Variants in RPS6KC1 observed in about 807,000 individuals in gnomAD.
The protein encoded by RPS6KC1 is ribosomal protein S6 kinase C1.
A neutral mutation model predicts 103.8 loss-of-function variants in RPS6KC1; 54 were observed. That is an observed-to-expected ratio of 0.52 (90% CI 0.42 to 0.65). RPS6KC1 has a LOEUF of 0.65. RPS6KC1 is among the 30% of genes least tolerant of loss of function. RPS6KC1 has a pLI of 0.00. For synonymous variants in RPS6KC1, 439 were observed against 438.7 expected, an observed-to-expected ratio of 1.00 and a Z score of -0.01; for missense variants, 1,151 against 1,253.8, an observed-to-expected ratio of 0.92 and a Z score of 1.24.
the RPS6KC1 span, among the ~76,000 whole-genome samples, chr1:213,422,162 C>T: frequency 6.6e-6 from 1 of 152,304 alleles, no homozygotes; most frequent in Admixed American, 6.5e-5. Flanking sequence ...ACCCGTTAAA[C>T]ACCAGCTCCC....
chr1:213,132,508 C>T (rs1374627244), intron 6 of RPS6KC1, among the ~76,000 whole-genome samples: 13 of 152,172 alleles, frequency 8.5e-5, no homozygotes, highest in Non-Finnish European at 1.9e-4. Context: ...TCCATGGATT[C>T]TGTACTAGCA....
At chr1:213,472,003 C>T in the RPS6KC1 span, among the ~76,000 whole-genome samples, 1 of 152,142 alleles carries the variant, frequency 6.6e-6, no homozygotes, top group South Asian at 2.1e-4. Context: ...GGTGTCATTT[C>T]CCCAGGGTCA....
chr1:213,735,124 AG>A, the RPS6KC1 span, among the ~76,000 whole-genome samples: 1 of 152,102 alleles, frequency 6.6e-6, no homozygotes, highest in African/African-American at 2.4e-5. Flanking sequence ...GGGGTTTCAC[AG>A]TGTTAGCCAG....
intron 8 of RPS6KC1, among the ~76,000 whole-genome samples, chr1:213,196,570 G>T (rs544490020): frequency 3.9e-5 from 6 of 152,128 alleles, no homozygotes; most frequent in Admixed American, 2.6e-4. Context: ...CTAATGTCTA[G>T]AAGAGTTTTT....
chr1:213,745,665 A>G, the RPS6KC1 span, among the ~76,000 whole-genome samples: 2 of 152,144 alleles, frequency 1.3e-5, no homozygotes, highest in African/African-American at 2.4e-5. Context: ...CATGGATGGA[A>G]GAGGAAGGAC....
chr1:213,841,600 C>G, the RPS6KC1 span, among the ~76,000 whole-genome samples: 1 of 152,268 alleles, frequency 6.6e-6, no homozygotes, highest in African/African-American at 2.4e-5. Context: ...CACTTCCTCC[C>G]CCAATCCCCA....
At chr1:213,832,562 T>C in the RPS6KC1 span, 50,800 of 152,098 alleles carry the variant, frequency 0.33, 12,173 homozygotes, top group African/African-American at 0.67. Flanking sequence ...ATCAAGTTCT[T>C]GTCCTGTATA....
At chr1:213,844,517 T>A in the RPS6KC1 span, among the ~76,000 whole-genome samples, 1 of 152,206 alleles carries the variant, frequency 6.6e-6, no homozygotes, top group Non-Finnish European at 1.5e-5. Context: ...CATTAAAAAA[T>A]TAGAATATGC....
chr1:213,537,791 A>T, the RPS6KC1 span, among the ~76,000 whole-genome samples: 1 of 152,154 alleles, frequency 6.6e-6, no homozygotes, highest in East Asian at 1.9e-4. Flanking sequence ...CATAACTTTC[A>T]TGCTTAAAAA....
At chr1:213,126,946 T>G (rs2085057708) in intron 5 of RPS6KC1, among the ~76,000 whole-genome samples, 1 of 152,198 alleles carries the variant, frequency 6.6e-6, no homozygotes, top group South Asian at 2.1e-4. Flanking sequence ...TCTAATCCAC[T>G]TTTAATTTTG....
chr1:213,141,147 T>G (rs1310343195), intron 6 of RPS6KC1, among the ~76,000 whole-genome samples: 3 of 152,104 alleles, frequency 2.0e-5, no homozygotes, highest in Non-Finnish European at 4.4e-5. Flanking sequence ...TCTGTCCGCC[T>G]TAGCCTCCCA....
the RPS6KC1 span, among the ~76,000 whole-genome samples, chr1:213,611,470 T>G: frequency 6.6e-6 from 1 of 152,184 alleles, no homozygotes; most frequent in South Asian, 2.1e-4. Context: ...ACTTGCCAAC[T>G]CACTCTGCAA....
chr1:213,151,257 C>T (rs1486158092), intron 6 of RPS6KC1, among the ~76,000 whole-genome samples: 4 of 123,934 alleles, frequency 3.2e-5, no homozygotes, highest in Middle Eastern at 5.7e-3. Flanking sequence ...GGCGGCTGGC[C>T]GGGCAGAGGG....
At chr1:213,277,843 T>G (rs2095115118), downstream of RPS6KC1, among the ~76,000 whole-genome samples, 1 of 152,244 alleles carries the variant, frequency 6.6e-6, no homozygotes, top group African/African-American at 2.4e-5. Context: ...TTAGAATTGC[T>G]GGCATCTTGC....
At chr1:213,070,479 A>G (rs2078766456) in intron 1 of RPS6KC1, among the ~76,000 whole-genome samples, 1 of 152,214 alleles carries the variant, frequency 6.6e-6, no homozygotes, top group African/African-American at 2.4e-5. Context: ...AGTTTAATTG[A>G]GCAAAGAATG....
the RPS6KC1 span, among the ~76,000 whole-genome samples, chr1:213,823,945 C>A: frequency 6.6e-6 from 1 of 152,056 alleles, no homozygotes; most frequent in South Asian, 2.1e-4. Context: ...GACTAAGTAA[C>A]TTTCCAAAGT....
chr1:213,255,208 C>T (rs1228352361), intron 12 of RPS6KC1, among the ~76,000 whole-genome samples: 1 of 151,646 alleles, frequency 6.6e-6, no homozygotes, highest in African/African-American at 2.4e-5. Context: ...TGCCTGTGGT[C>T]CCAGCTACTT....
the RPS6KC1 span, among the ~76,000 whole-genome samples, chr1:213,831,723 T>G: frequency 6.6e-4 from 100 of 152,348 alleles, no homozygotes; most frequent in African/African-American, 2.3e-3. Context: ...TTCTTATCTC[T>G]AAGATTGAAA....
chr1:213,462,187 G>A, the RPS6KC1 span, among the ~76,000 whole-genome samples: 1 of 152,190 alleles, frequency 6.6e-6, no homozygotes, highest in East Asian at 1.9e-4. Context: ...TTAGAAAAAT[G>A]CAGATCAAAA....
Sources: allele counts gnomAD v4.1 joint callset (sites outside exome capture counted in the v4.1 genomes callset), GRCh38; gene constraint gnomAD v4.1.1; transcripts MANE v1.5; gene names NCBI Gene and HGNC (gene_info 2026-07-23, HGNC 2026-07-21).